TLE3: variants seen among roughly 807,000 people sequenced by gnomAD.
The protein encoded by TLE3 is TLE family member 3, transcriptional corepressor.
Under a neutral mutation model 93.0 loss-of-function variants are expected in TLE3, and 14 were observed. That is an observed-to-expected ratio of 0.15 (90% CI 0.10 to 0.24). TLE3 has a LOEUF of 0.24. Among genes scored for constraint, TLE3 ranks in the 10% least tolerant of loss-of-function variants. TLE3 has a pLI of 1.00. For synonymous variants in TLE3, 451 were observed against 425.0 expected (o/e 1.06, Z -0.75); for missense variants, 693 against 1,046.6 (o/e 0.66, Z 4.66).
chr15:70,073,791 A>G (rs1306998505), intron 6 of TLE3, among the ~76,000 whole-genome samples: 4 of 152,204 alleles, frequency 2.6e-5, no homozygotes, highest in Non-Finnish European at 5.9e-5. Flanking sequence ...CTAGCCTCAC[A>G]CCAAAGCAGC....
At chr15:70,059,591 C>T (rs533212060) in intron 9 of TLE3, 131 bp from the exon 10 acceptor site, 1 of 806,254 alleles carries the variant, frequency 1.2e-6, no homozygotes, top group Admixed American at 2.5e-5. Flanking sequence ...TCCATGCTTT[C>T]TACTCCAGCC....
At position 70,054,554 on chromosome 15, in the gene TLE3, C is replaced by T. The variant is rs775018451; in HGVS notation, c.1710G>A (p.Thr570=). The change falls in exon 16 of 20, where the codon ACG becomes ACA. Residue 570 remains threonine, a synonymous_variant. Coordinates refer to ENST00000451782, the MANE Select transcript of TLE3 (RefSeq NM_001105192.3). ...GGGCATAACAGGCGGGAGCCGAGGACGTCAGCTCGGCCTTGATGCGGGGCG... is the reference window on the plus strand; with the variant it reads ...GGGCATAACAGGCGGGAGCCGAGGATGTCAGCTCGGCCTTGATGCGGGGCG... The part of the protein sequence containing the change: ...SPTPRIKAEL[T]SSAPACYALA... 13 of 1,613,876 alleles carry T rather than the reference C, an allele frequency of 8.1e-6. No individual in the cohort carries two copies. The highest frequency in any genetic ancestry group is 2.2e-5 in the East Asian group (1 of 44,888).
chr15:70,076,442 T>C (rs971196611), intron 4 of TLE3, among the ~76,000 whole-genome samples: 3 of 152,238 alleles, frequency 2.0e-5, no homozygotes, highest in Non-Finnish European at 4.4e-5. Context: ...TTGCATCCTC[T>C]GGATGGAATC....
chr15:70,059,310 C>A (rs7176098), intron 10 of TLE3, 100 bp downstream of exon 10: 593,055 of 1,382,700 alleles, frequency 0.43, 131,295 homozygotes, highest in Middle Eastern at 0.58. Flanking sequence ...GCTCAGGCTG[C>A]CAGTAATACT....
rs1251656464 is a variant in TLE3 at position 70,055,196 on chromosome 15, G to A, written c.1431C>T (p.Ile477=). The A allele has an allele frequency of 6.2e-7, 1 of 1,613,978 alleles. No individual in the cohort carries two copies. The highest frequency in any genetic ancestry group is 8.5e-7 in the Non-Finnish European group (1 of 1,180,012). ...GPGIPRHARQ[I]NTLSHGEVVC... ...CCACCTCCCCGTGGCTGAGTGTGTT[G>A]ATCTGCCGGGCGTGCCTCGGGATGC... Residue 477 remains isoleucine, a synonymous_variant, in exon 15 of 20, where the codon ATC becomes ATT. Transcript: ENST00000451782.
chr15:70,060,395 G>A, intron 9 of TLE3, 135 bp downstream of exon 9: 1 of 1,141,684 alleles, frequency 8.8e-7, no homozygotes, highest in South Asian at 1.5e-5. Flanking sequence ...CCTCAATAGG[G>A]TCCCCTATCG....
intron 4 of TLE3, among the ~76,000 whole-genome samples, chr15:70,089,072 G>A (rs1442665686): frequency 1.3e-5 from 2 of 152,208 alleles, no homozygotes; most frequent in Non-Finnish European, 2.9e-5. Flanking sequence ...ACATCATTCC[G>A]AAGACGTGTG....
rs1368388865 is a variant in TLE3, at chr15:70,049,803, T to TG, written c.*293dup. On this transcript the variant is annotated 3_prime_UTR_variant, in exon 20 of 20. Coordinates refer to ENST00000451782, the MANE Select transcript of TLE3 (RefSeq NM_001105192.3). ...AAACAGAGACTCATGAGCGGGTCTGTGGGGGAACCGGAGCCATAAGCCTCC... is the reference window on the plus strand; with the variant it reads ...AAACAGAGACTCATGAGCGGGTCTGTGGGGGGAACCGGAGCCATAAGCCTCC... 2.5e-5 allele frequency: 8 copies of TG among 319,036 alleles called. No homozygotes were observed. Among genetic ancestry groups the TG allele is most frequent in the Non-Finnish European group, 4.8e-5 (8 of 165,868 alleles). The allele number at this position is 319,036 out of a possible 1,614,324, so 19.8% of individuals were successfully genotyped here. A position where few individuals can be genotyped will look rare whatever the true frequency, so the allele number is the denominator to read the frequency against.
intron 7 of TLE3, 150 bp downstream of exon 7, chr15:70,065,864 C>T (rs932508844): frequency 2.0e-5 from 17 of 831,834 alleles, no homozygotes; most frequent in Non-Finnish European, 3.2e-5. Flanking sequence ...GCATTGGCTT[C>T]CCTGCACCAG....
At chr15:70,072,647 C>T (rs1284781687) in intron 6 of TLE3, among the ~76,000 whole-genome samples, 3 of 152,192 alleles carry the variant, frequency 2.0e-5, no homozygotes, top group African/African-American at 7.2e-5. Context: ...TCCTAAACAT[C>T]ATAATCACTT....
intron 18 of TLE3, among the ~76,000 whole-genome samples, chr15:70,052,128 A>G (rs2055605669): frequency 6.6e-6 from 1 of 152,212 alleles, no homozygotes; most frequent in South Asian, 2.1e-4. Context: ...CCAAGCCTGC[A>G]AGAACTGGCT....
At chr15:70,055,933 C>CG (rs2055979887) in intron 14 of TLE3, 1 of 379,172 alleles carries the variant, frequency 2.6e-6, no homozygotes, top group Non-Finnish European at 5.0e-6. Flanking sequence ...GAAGGGCCTG[C>CG]GACCAGCGGC....
chr15:70,051,236 C>A, intron 19 of TLE3, 155 bp downstream of exon 19: 1 of 659,352 alleles, frequency 1.5e-6, no homozygotes, highest in East Asian at 3.1e-5. Flanking sequence ...CAATCTTGCT[C>A]CCCTATCAGG....
intron 4 of TLE3, among the ~76,000 whole-genome samples, chr15:70,078,548 T>C (rs1742180603): frequency 6.6e-6 from 1 of 152,250 alleles, no homozygotes; most frequent in South Asian, 2.1e-4. Context: ...CATCTCTGCA[T>C]TTATTGAGAC....
chr15:70,096,768 T>TA lies in TLE3; in HGVS notation c.24+6dup, dbSNP rs1446950429. ...ATGCTTAAATAAACCGAGTTGCAAT[T>TA]ACTCACCGGATGTCTGCCCTGCGGA... On this transcript the variant is annotated splice_region_variant and intron_variant, in intron 1 of 19. Coordinates refer to ENST00000451782, the MANE Select transcript of TLE3 (RefSeq NM_001105192.3). The TA allele has an allele frequency of 2.5e-6, 4 of 1,613,192 alleles. No individual in the cohort carries two copies. The highest frequency in any genetic ancestry group is 1.3e-5 in the African/African-American group (1 of 74,894).
chr15:70,065,929 C>CT, intron 7 of TLE3, 85 bp downstream of exon 7: 4 of 1,412,678 alleles, frequency 2.8e-6, no homozygotes, highest in Non-Finnish European at 3.9e-6. Context: ...GACGACAGCA[C>CT]TTGCTGGGTC....
chr15:70,076,822 G>A (rs962401455), intron 4 of TLE3, among the ~76,000 whole-genome samples: 1 of 152,150 alleles, frequency 6.6e-6, no homozygotes, highest in Non-Finnish European at 1.5e-5. Flanking sequence ...CTGGGCTCAG[G>A]TGATTCTCCT....
At chr15:70,065,977 C>CG in intron 7 of TLE3, 37 bp downstream of exon 7, 2 of 1,332,294 alleles carry the variant, frequency 1.5e-6, no homozygotes, top group Non-Finnish European at 2.1e-6. Flanking sequence ...ATGCCCACCC[C>CG]TGCCCCGCCC....
rs924522412 is a variant in TLE3, at chr15:70,071,941, C to T, written c.372+2592G>A. Among the ~76,000 whole-genome samples, 7 of 152,210 alleles carry T rather than the reference C, an allele frequency of 4.6e-5. 1 individual carries two copies. The highest frequency in any genetic ancestry group is 4.1e-4 in the South Asian group (2 of 4,830). ...CTCTCCTCGAGGAGGAGATAAAGAA[C>T]GCCCTGACTAGATTAGCGGACTCCT... On this transcript the variant is annotated intron_variant, in intron 6 of 19. Transcript: ENST00000451782.
Sources: allele counts gnomAD v4.1 joint callset (sites outside exome capture counted in the v4.1 genomes callset), GRCh38; gene constraint gnomAD v4.1.1; transcripts MANE v1.5; gene names NCBI Gene and HGNC (gene_info 2026-07-23, HGNC 2026-07-21).